STAG1: variants seen among roughly 807,000 people sequenced by gnomAD.
The protein encoded by STAG1 is cohesin subunit SA-1.
A neutral mutation model predicts 170.9 loss-of-function variants in STAG1; 26 were observed. The observed-to-expected ratio is 0.15, with a 90% CI of 0.11 to 0.21. STAG1 has a LOEUF of 0.21. STAG1 is among the 10% of genes least tolerant of loss of function. STAG1 has a pLI of 1.00. For missense variants in STAG1, 964 were observed against 1,509.5 expected (o/e 0.64, Z 5.99); for synonymous variants, 514 against 497.7 (o/e 1.03, Z -0.44).
intron 5 of STAG1, among the ~76,000 whole-genome samples, chr3:136,554,203 ACATAT>A (rs1936518833): frequency 6.6e-6 from 1 of 152,168 alleles, no homozygotes; most frequent in East Asian, 1.9e-4. Context: ...ACATCTAATA[ACATAT>A]CAGGGAGTGG....
intron 12 of STAG1, among the ~76,000 whole-genome samples, chr3:136,467,302 G>A (rs1048983645): frequency 2.6e-5 from 4 of 152,026 alleles, no homozygotes; most frequent in Non-Finnish European, 5.9e-5. Flanking sequence ...CAAAATAAAG[G>A]GATGGAGGAA....
At chr3:136,534,091 G>T (rs1188126448) in intron 6 of STAG1, among the ~76,000 whole-genome samples, 1 of 152,076 alleles carries the variant, frequency 6.6e-6, no homozygotes, top group Non-Finnish European at 1.5e-5. Flanking sequence ...AGATAACCCA[G>T]AAATAAATCC....
At chr3:136,459,676 C>T (rs1340881506) in intron 13 of STAG1, among the ~76,000 whole-genome samples, 1 of 151,990 alleles carries the variant, frequency 6.6e-6, no homozygotes, top group Non-Finnish European at 1.5e-5. Flanking sequence ...CTTTTTTAAC[C>T]ATAATGCAAT....
intron 7 of STAG1, among the ~76,000 whole-genome samples, chr3:136,505,047 A>G (rs576694443): frequency 3.0e-4 from 45 of 152,344 alleles, no homozygotes; most frequent in Admixed American, 7.8e-4. Flanking sequence ...ACACATAAAC[A>G]GCTATTAAAA....
chr3:136,663,983 T>C (rs1427659084), intron 1 of STAG1, among the ~76,000 whole-genome samples: 1 of 152,134 alleles, frequency 6.6e-6, no homozygotes, highest in East Asian at 1.9e-4. Flanking sequence ...GGGTTAGGGG[T>C]GGGATATCAT....
chr3:136,724,138 A>G (rs61937795), intron 1 of STAG1, among the ~76,000 whole-genome samples: 2 of 149,928 alleles, frequency 1.3e-5, no homozygotes, highest in African/African-American at 2.5e-5. Flanking sequence ...CATGATGACA[A>G]TGGCGGTTTT....
At chr3:136,473,483 G>A (rs2089673797) in intron 11 of STAG1, 56 bp downstream of exon 11, 1 of 1,298,164 alleles carries the variant, frequency 7.7e-7, no homozygotes, top group Non-Finnish European at 1.1e-6. Flanking sequence ...TAAACTAGCT[G>A]TAACTAGCAT....
chr3:136,434,849 G>C (rs1268625832), intron 15 of STAG1, among the ~76,000 whole-genome samples: 8 of 151,690 alleles, frequency 5.3e-5, no homozygotes, highest in Non-Finnish European at 1.2e-4. Flanking sequence ...TGTCTCTCTT[G>C]CTTGCTCACT....
chr3:136,703,958 G>A (rs185678908), intron 1 of STAG1, among the ~76,000 whole-genome samples: 1 of 152,006 alleles, frequency 6.6e-6, no homozygotes, highest in East Asian at 2.0e-4. Context: ...GTTGCAGTGG[G>A]CCAAGACTGT....
chr3:136,431,304 A>T (rs111696484), intron 16 of STAG1, among the ~76,000 whole-genome samples: 7 of 150,546 alleles, frequency 4.6e-5, no homozygotes, highest in African/African-American at 1.5e-4. Flanking sequence ...TCACAGTCTC[A>T]CTCTGTTGCC....
chr3:136,545,792 G>GA (rs1936131664), intron 5 of STAG1, among the ~76,000 whole-genome samples: 1 of 151,984 alleles, frequency 6.6e-6, no homozygotes, highest in Admixed American at 6.6e-5. Flanking sequence ...CTTGAAAACA[G>GA]AAATTGCTGT....
At chr3:136,695,858 G>C (rs1942871932) in intron 1 of STAG1, among the ~76,000 whole-genome samples, 1 of 146,302 alleles carries the variant, frequency 6.8e-6, no homozygotes, top group African/African-American at 2.5e-5. Context: ...AGAGTACATA[G>C]TTCTGGGGCG....
At chr3:136,389,664 C>T (rs1421507654) in intron 22 of STAG1, among the ~76,000 whole-genome samples, 1 of 151,730 alleles carries the variant, frequency 6.6e-6, no homozygotes, top group East Asian at 1.9e-4. Flanking sequence ...GGATTACAGG[C>T]GTGTGCCACC....
chr3:136,743,698 T>C (rs895826856), intron 1 of STAG1, among the ~76,000 whole-genome samples: 4 of 152,130 alleles, frequency 2.6e-5, no homozygotes, highest in East Asian at 1.9e-4. Flanking sequence ...ACACAAACTA[T>C]TTCAGTAAAT....
intron 27 of STAG1, 64 bp from the exon 28 acceptor site, chr3:136,357,912 T>G: frequency 7.4e-7 from 1 of 1,357,718 alleles, no homozygotes; most frequent in South Asian, 1.3e-5. Flanking sequence ...TTAGCTAACA[T>G]TACACAAATA....
chr3:136,676,812 CTTTTT>C, intron 1 of STAG1, among the ~76,000 whole-genome samples: 1 of 151,920 alleles, frequency 6.6e-6, no homozygotes, highest in Admixed American at 6.6e-5. Context: ...ATTTCTTAGA[CTTTTT>C]TTATTTTTTA....
rs58336458 is a variant in STAG1, at chr3:136,479,076, T to A, written c.903-1664A>T. ...ATAATCTTTCTTTTTTTTTTTTTTTTAATTTTTTTTTTTATTATACTTTAA... is the reference window on the plus strand; with the variant it reads ...ATAATCTTTCTTTTTTTTTTTTTTTAAATTTTTTTTTTTATTATACTTTAA... On this transcript the variant is annotated intron_variant, in intron 9 of 33. Coordinates refer to ENST00000383202, the MANE Select transcript of STAG1 (RefSeq NM_005862.3). 5.2e-3 allele frequency among the ~76,000 whole-genome samples: 705 copies of A among 136,716 alleles called. 3 individuals are homozygous for A. Among genetic ancestry groups the A allele is most frequent in the African/African-American group, 0.013 (488 of 37,368 alleles). The allele number at this position is 136,716 out of a possible 152,430, so 89.7% of individuals were successfully genotyped here.
chr3:136,727,209 G>GA (rs1330446338), intron 1 of STAG1, among the ~76,000 whole-genome samples: 1 of 152,070 alleles, frequency 6.6e-6, no homozygotes, highest in Non-Finnish European at 1.5e-5. Context: ...TAAATGAAAT[G>GA]AAAAATGTAT....
intron 4 of STAG1, among the ~76,000 whole-genome samples, chr3:136,596,720 A>C (rs1457934654): frequency 6.6e-6 from 1 of 152,210 alleles, no homozygotes; most frequent in African/African-American, 2.4e-5. Context: ...TTTAAAATCC[A>C]TTTTTAAAAT....
Sources: gnomAD v4.1 joint callset for allele counts (sites outside exome capture counted in the v4.1 genomes callset) on GRCh38, gnomAD v4.1.1 for gene constraint, MANE v1.5 for transcripts, NCBI Gene and HGNC (gene_info 2026-07-23, HGNC 2026-07-21) for gene names.